The following ARFRP1 variants were observed in gnomAD, a reference collection of about 807,000 sequenced individuals.
The protein encoded by ARFRP1 is ADP-ribosylation factor-related protein 1.
ARFRP1 carries 19 observed loss-of-function variants against 30.3 expected under a neutral mutation model. The observed-to-expected ratio is 0.63, with a 90% CI of 0.44 to 0.92. The LOEUF (loss-of-function observed/expected upper bound fraction) is 0.92, where lower values mean the gene tolerates loss of function less well. ARFRP1 is among the 40% of genes least tolerant of loss of function. The pLI, the probability that ARFRP1 is intolerant of heterozygous loss-of-function variation, is 0.00. For missense variants in ARFRP1, 245 were observed against 267.5 expected, an observed-to-expected ratio of 0.92 and a Z score of 0.59; for synonymous variants, 133 against 114.2, an observed-to-expected ratio of 1.16 and a Z score of -1.05.
rs947001497 is a variant in ARFRP1, at chr20:63,700,301, G to A, written c.*142C>T. On this transcript the variant is annotated 3_prime_UTR_variant, in exon 8 of 8. Transcript: ENST00000622789. ...TACGCTTTTCCAGACATAGAGGAAA[G>A]TTTGTCTTCGAGAAAACAAAGTAAA... is the stretch of plus-strand genomic sequence containing the variant. 1.0e-5 allele frequency: 13 copies of A among 1,255,722 alleles called. No homozygotes were observed. The highest frequency in any genetic ancestry group is 9.2e-5 in the Admixed American group (4 of 43,542). 77.8% of individuals were successfully genotyped at this position (1,255,722 alleles called of 1,614,324 possible). A position where few individuals can be genotyped will look rare whatever the true frequency, so the allele number is the denominator to read the frequency against.
At chr20:63,701,438 C>G (rs751265125) in intron 6 of ARFRP1, 12 of 494,774 alleles carry the variant, frequency 2.4e-5, no homozygotes, top group Non-Finnish European at 4.5e-5. Flanking sequence ...ATGCCACCTC[C>G]AAGGGTAGCA....
intron 2 of ARFRP1, 90 bp from the exon 3 acceptor site, chr20:63,706,828 A>G (rs747559113): frequency 7.7e-5 from 100 of 1,302,240 alleles, no homozygotes; most frequent in Non-Finnish European, 8.9e-5. Context: ...TAAAAGACAG[A>G]AACAGAAACA....
Position 63,702,174 on chromosome 20 carries a change from G to C in ARFRP1, c.308C>G (p.Thr103Ser), listed in dbSNP as rs1349110752. The change falls in exon 5 of 8, where the codon ACC (threonine) becomes AGC (serine). Residue 103 changes from threonine (T) to serine (S), a missense_variant. Coordinates refer to ENST00000622789, the MANE Select transcript of ARFRP1 (RefSeq NM_001267547.3). Reference protein sequence around the residue: ...CHGVIYVIDSTDEERLAESKQ... With the variant: ...CHGVIYVIDSSDEERLAESKQ... ...GGACTCAGCCAGCCTCTCCTCGTCGGTGGAGTCAATGACGTAGATGACGCC... is the reference window on the plus strand; with the variant it reads ...GGACTCAGCCAGCCTCTCCTCGTCGCTGGAGTCAATGACGTAGATGACGCC... 1 of 1,612,082 alleles carries C rather than the reference G, an allele frequency of 6.2e-7. No individual in the cohort carries two copies. The highest frequency in any genetic ancestry group is 1.1e-5 in the South Asian group (1 of 91,072).
At chr20:63,705,598 A>T (rs1473123180) in intron 4 of ARFRP1, 1 of 519,054 alleles carries the variant, frequency 1.9e-6, no homozygotes, top group Non-Finnish European at 4.0e-6. Context: ...TCTGGTGATC[A>T]TGGAAGAACA....
At chr20:63,705,506 AG>A (rs994658713) in intron 4 of ARFRP1, 3 of 436,364 alleles carry the variant, frequency 6.9e-6, no homozygotes, top group African/African-American at 6.1e-5. Flanking sequence ...GGTGTGGGGA[AG>A]GGGCACCACA....
chr20:63,702,012 C>CCCCCCCCCCCCCCCCCCA, intron 5 of ARFRP1, 112 bp from the exon 6 acceptor site: 1 of 906,292 alleles, frequency 1.1e-6, no homozygotes, highest in Non-Finnish European at 1.6e-6. Flanking sequence ...CCCCCCCCCC[C>CCCCCCCCCCCCCCCCCCA]GTCACCCACT....
chr20:63,700,304 T>C lies in ARFRP1; in HGVS notation c.*139A>G. The C allele has an allele frequency of 7.8e-7, 1 of 1,280,620 alleles. No individual in the cohort carries two copies. The highest frequency in any genetic ancestry group is 1.1e-6 in the Non-Finnish European group (1 of 937,452). The allele number at this position is 1,280,620 out of a possible 1,614,324, so 79.3% of individuals were successfully genotyped here. A position where few individuals can be genotyped will look rare whatever the true frequency, so the allele number is the denominator to read the frequency against. ...GCTTTTCCAGACATAGAGGAAAGTT[T>C]GTCTTCGAGAAAACAAAGTAAATAG... On this transcript the variant is annotated 3_prime_UTR_variant, in exon 8 of 8. Coordinates refer to ENST00000622789, the MANE Select transcript of ARFRP1 (RefSeq NM_001267547.3).
chr20:63,702,058 C>A (rs2091241040), intron 5 of ARFRP1, 78 bp downstream of exon 5: 2 of 1,503,902 alleles, frequency 1.3e-6, no homozygotes, highest in Non-Finnish European at 9.1e-7. Context: ...CTGAGCCTGC[C>A]CCAGGCACAG....
rs978007264 is a variant in ARFRP1, at chr20:63,698,695, T to A, written c.*1748A>T. On this transcript the variant is annotated 3_prime_UTR_variant, in exon 8 of 8. Coordinates refer to ENST00000622789, the MANE Select transcript of ARFRP1 (RefSeq NM_001267547.3). The stretch of plus-strand genomic sequence containing the variant: ...AGCTTTTTCATAAAACTGGTTGTAG[T>A]TGCACAGCTACTGGGAGGGCAGCCG... 1 of 1,153,318 alleles carries A rather than the reference T, an allele frequency of 8.7e-7. No homozygotes were observed. Among genetic ancestry groups the A allele is most frequent in the Non-Finnish European group, 1.1e-6 (1 of 873,970 alleles). The allele number at this position is 1,153,318 out of a possible 1,614,324, so 71.4% of individuals were successfully genotyped here.
rs995562877 is a variant in ARFRP1 at position 63,700,355 on chromosome 20, AC to A, written c.*87del. On this transcript the variant is annotated 3_prime_UTR_variant, in exon 8 of 8. Transcript: ENST00000622789. ...AAGAACCCCAAAGCAAAGCAAACCC[AC>A]CCCCCAGATCAGCAGCATGGGAGCC... The A allele has an allele frequency of 1.2e-5, 19 of 1,561,956 alleles. No homozygotes were observed. The highest frequency in any genetic ancestry group is 3.5e-5 in the Admixed American group (2 of 57,778).
intron 1 of ARFRP1, 183 bp downstream of exon 1, chr20:63,707,684 G>A (rs1187543004): frequency 2.0e-5 from 3 of 152,328 alleles, no homozygotes; most frequent in Admixed American, 6.5e-5. Context: ...GCGGCTGGCA[G>A]GGAACGACTG....
rs750312501 is a variant in ARFRP1, at chr20:63,699,507, G to C, written c.*936C>G. The C allele has an allele frequency of 6.6e-6, 1 of 152,436 alleles. No individual in the cohort carries two copies. The highest frequency in any genetic ancestry group is 1.5e-5 in the Non-Finnish European group (1 of 68,138). The allele number at this position is 152,436 out of a possible 1,614,324, so 9.4% of individuals were successfully genotyped here. A position where few individuals can be genotyped will look rare whatever the true frequency, so the allele number is the denominator to read the frequency against. Reference sequence around the variant, plus strand: ...CCCTCCAGGAGGGAAGGGATGGACAGAGCCACACTCGCCGTCTTTATTTTG... The same window carrying C: ...CCCTCCAGGAGGGAAGGGATGGACACAGCCACACTCGCCGTCTTTATTTTG... On this transcript the variant is annotated 3_prime_UTR_variant, in exon 8 of 8. Transcript: ENST00000622789.
chr20:63,701,997 T>TCCCCCCCCCCCCCCCCCCC, intron 5 of ARFRP1, 97 bp from the exon 6 acceptor site: 1 of 684,614 alleles, frequency 1.5e-6, no homozygotes. Flanking sequence ...CCACTCCCTC[T>TCCCCCCCCCCCCCCCCCCC]GCCCCCCCCC....
intron 3 of ARFRP1, 71 bp downstream of exon 3, chr20:63,706,580 G>T: frequency 1.3e-6 from 2 of 1,528,832 alleles, no homozygotes; most frequent in South Asian, 2.2e-5. Context: ...TGTGGCCACG[G>T]GCCAGCTGGA....
rs755096476 is a variant in ARFRP1 at position 63,698,977 on chromosome 20, C to T, written c.*1466G>A. The T allele has an allele frequency of 2.5e-4, 40 of 160,884 alleles. No homozygotes were observed. Among genetic ancestry groups the T allele is most frequent in the Non-Finnish European group, 4.7e-4 (35 of 74,160 alleles). 10.0% of individuals were successfully genotyped at this position (160,884 alleles called of 1,614,324 possible). On this transcript the variant is annotated 3_prime_UTR_variant, in exon 8 of 8. Transcript: ENST00000622789. ...AGTCGCCGGGGCCCACACTAACCCC[C>T]CACTTATGAATTCCTCCCACTCCCA...
chr20:63,706,873 A>G, intron 2 of ARFRP1, 126 bp downstream of exon 2: 1 of 1,286,948 alleles, frequency 7.8e-7, no homozygotes, highest in Admixed American at 1.8e-5. Flanking sequence ...GCTGGTGGTG[A>G]CTATCCTGCC....
At position 63,698,955 on chromosome 20, in the gene ARFRP1, C is replaced by T. The variant is rs75246215; in HGVS notation, c.*1488G>A. 653 of 167,646 alleles carry T rather than the reference C, an allele frequency of 3.9e-3. 6 individuals are homozygous for T. The highest frequency in any genetic ancestry group is 0.014 in the African/African-American group (608 of 42,186). 10.4% of individuals were successfully genotyped at this position (167,646 alleles called of 1,614,324 possible). A position where few individuals can be genotyped will look rare whatever the true frequency, so the allele number is the denominator to read the frequency against. On this transcript the variant is annotated 3_prime_UTR_variant, in exon 8 of 8. Transcript: ENST00000622789. ...GGATGGGGCTCAGGCCAGCCCTAGT[C>T]GCCGGGGCCCACACTAACCCCCCAC... is the stretch of plus-strand genomic sequence containing the variant.
At position 63,702,009 on chromosome 20, in the gene ARFRP1, C is replaced by CCT; in HGVS notation, c.347-110_347-109insAG. On this transcript the variant is annotated intron_variant, in intron 5 of 7. Transcript: ENST00000622789. ...CAGCCACTCCCTCTGCCCCCCCCCCCCCCGTCACCCACTAGGCAGGAGCAC... is the reference window on the plus strand; with the variant it reads ...CAGCCACTCCCTCTGCCCCCCCCCCCCTCCCGTCACCCACTAGGCAGGAGCAC... The CCT allele has an allele frequency of 4.3e-6, 4 of 919,740 alleles. No individual in the cohort carries two copies. The South Asian group carries it at 4.8e-5, about 11-fold the overall frequency. The allele number at this position is 919,740 out of a possible 1,614,324, so 57.0% of individuals were successfully genotyped here. A position where few individuals can be genotyped will look rare whatever the true frequency, so the allele number is the denominator to read the frequency against.
At chr20:63,706,260 G>A in intron 4 of ARFRP1, 97 bp downstream of exon 4, 1 of 1,138,814 alleles carries the variant, frequency 8.8e-7, no homozygotes, top group Non-Finnish European at 1.3e-6. Flanking sequence ...GGACAGAGTG[G>A]GTAAGGAAAA....
Sources: gnomAD v4.1 joint callset for allele counts on GRCh38, gnomAD v4.1.1 for gene constraint, MANE v1.5 for transcripts, NCBI Gene and HGNC (gene_info 2026-07-23, HGNC 2026-07-21) for gene names.